RABGAP1L: variants seen among roughly 807,000 people sequenced by gnomAD.
RABGAP1L encodes the protein RAB GTPase activating protein 1 like.
RABGAP1L carries 63 observed loss-of-function variants against 137.7 expected under a neutral mutation model. That is an observed-to-expected ratio of 0.46 (90% CI 0.37 to 0.56). RABGAP1L has a LOEUF of 0.56. Ranked by LOEUF, RABGAP1L falls within the 20% of genes least tolerant of loss-of-function variation. RABGAP1L has a pLI of 0.00. For synonymous variants in RABGAP1L, 431 were observed against 433.7 expected (o/e 0.99, Z 0.08); for missense variants, 1,095 against 1,244.0 (o/e 0.88, Z 1.80).
intron 1 of RABGAP1L, among the ~76,000 whole-genome samples, chr1:174,186,469 A>C (rs946209452): frequency 6.6e-6 from 1 of 152,222 alleles, no homozygotes; most frequent in African/African-American, 2.4e-5. Flanking sequence ...CTTTGATTTA[A>C]AAAGAATGCA....
intron 24 of RABGAP1L, among the ~76,000 whole-genome samples, chr1:174,983,190 T>C (rs184449669): frequency 1.9e-4 from 29 of 152,248 alleles, no homozygotes; most frequent in African/African-American, 6.5e-4. Context: ...GAGAGTGGTA[T>C]GAACCTGAGA....
chr1:174,557,708 G>A (rs1666965201), intron 13 of RABGAP1L, among the ~76,000 whole-genome samples: 1 of 152,208 alleles, frequency 6.6e-6, no homozygotes, highest in Non-Finnish European at 1.5e-5. Flanking sequence ...AGAATTCTAA[G>A]CCTCTGGAGA....
intron 14 of RABGAP1L, among the ~76,000 whole-genome samples, chr1:174,639,323 G>T (rs893661422): frequency 3.3e-5 from 5 of 152,014 alleles, no homozygotes; most frequent in African/African-American, 1.2e-4. Flanking sequence ...TTTAGAAAGT[G>T]ATATATCATC....
chr1:174,390,419 T>C (rs1687127752), intron 12 of RABGAP1L, among the ~76,000 whole-genome samples: 1 of 152,222 alleles, frequency 6.6e-6, no homozygotes, highest in South Asian at 2.1e-4. Context: ...AGTATGTTTA[T>C]GTACGTGTGT....
At chr1:174,604,423 A>G (rs1243724913) in intron 13 of RABGAP1L, among the ~76,000 whole-genome samples, 2 of 152,164 alleles carry the variant, frequency 1.3e-5, no homozygotes, top group Non-Finnish European at 2.9e-5. Flanking sequence ...TAGGGGATAG[A>G]GGTGATGTTG....
intron 11 of RABGAP1L, among the ~76,000 whole-genome samples, chr1:174,337,971 T>C (rs1036507088): frequency 6.6e-6 from 1 of 152,182 alleles, no homozygotes; most frequent in Non-Finnish European, 1.5e-5. Context: ...CTGTGAAACA[T>C]TGCAGTTTGA....
chr1:174,597,225 C>A (rs1191762503), intron 13 of RABGAP1L, among the ~76,000 whole-genome samples: 1 of 151,972 alleles, frequency 6.6e-6, no homozygotes, highest in Non-Finnish European at 1.5e-5. Flanking sequence ...GGTAATACTG[C>A]CCTCATAGAA....
intron 19 of RABGAP1L, among the ~76,000 whole-genome samples, chr1:174,878,925 GTTTTTTTTT>G (rs869251284): frequency 5.1e-4 from 43 of 85,148 alleles, no homozygotes; most frequent in South Asian, 1.1e-3. Flanking sequence ...TTTGTGCATT[GTTTTTTTTT>G]TTTTTTTTTT....
At chr1:174,488,187 C>T (rs542510334) in intron 13 of RABGAP1L, among the ~76,000 whole-genome samples, 14 of 152,186 alleles carry the variant, frequency 9.2e-5, no homozygotes, top group Non-Finnish European at 1.9e-4. Context: ...GATTGAACTA[C>T]TCTCTTTAGC....
At chr1:174,536,484 A>C (rs943768535) in intron 13 of RABGAP1L, among the ~76,000 whole-genome samples, 4 of 152,126 alleles carry the variant, frequency 2.6e-5, no homozygotes, top group Admixed American at 6.6e-5. Context: ...AAATTAAGTA[A>C]AAAGAAAAAT....
chr1:174,171,560 G>A (rs765783014), intron 1 of RABGAP1L, among the ~76,000 whole-genome samples: 8 of 151,862 alleles, frequency 5.3e-5, no homozygotes, highest in South Asian at 2.1e-4. Context: ...TAGACTTCGC[G>A]CTATACATTA....
At chr1:174,800,650 T>C in intron 18 of RABGAP1L, 1 of 1,215,248 alleles carries the variant, frequency 8.2e-7, no homozygotes, top group Non-Finnish European at 1.1e-6. Context: ...GCCACTGTTG[T>C]GCAGCTCATT....
At chr1:174,447,724 T>A (rs960494252) in intron 13 of RABGAP1L, among the ~76,000 whole-genome samples, 2 of 152,216 alleles carry the variant, frequency 1.3e-5, no homozygotes, top group African/African-American at 2.4e-5. Flanking sequence ...ATTCATTTTT[T>A]TTCTTTTTAC....
At chr1:174,222,163 AG>A (rs1669805322) in intron 3 of RABGAP1L, among the ~76,000 whole-genome samples, 1 of 152,058 alleles carries the variant, frequency 6.6e-6, no homozygotes, top group Admixed American at 6.6e-5. Context: ...AAAAGTTCTG[AG>A]TTTTACTCTG....
intron 17 of RABGAP1L, among the ~76,000 whole-genome samples, chr1:174,721,514 G>A (rs1681538687): frequency 6.6e-6 from 1 of 152,202 alleles, no homozygotes; most frequent in Non-Finnish European, 1.5e-5. Flanking sequence ...AAGCCAAGTT[G>A]ACAGAGAACA....
At chr1:174,660,286 C>T (rs910925585) in intron 14 of RABGAP1L, among the ~76,000 whole-genome samples, 5 of 152,136 alleles carry the variant, frequency 3.3e-5, no homozygotes, top group Non-Finnish European at 7.4e-5. Flanking sequence ...AATTCCTAAA[C>T]AAGGTAATAA....
At chr1:174,653,380 C>T (rs558594877) in intron 14 of RABGAP1L, among the ~76,000 whole-genome samples, 5 of 152,246 alleles carry the variant, frequency 3.3e-5, no homozygotes, top group Admixed American at 6.5e-5. Flanking sequence ...GCTCAAATGG[C>T]CACCCAGTTT....
intron 19 of RABGAP1L, among the ~76,000 whole-genome samples, chr1:174,814,618 T>A (rs549663126): frequency 6.6e-6 from 1 of 152,334 alleles, no homozygotes; most frequent in South Asian, 2.1e-4. Flanking sequence ...TATATGTACG[T>A]ACTTACATAC....
rs34143059 is a variant in RABGAP1L, at chr1:174,957,723, C to CTTTT, written c.2433+194_2433+197dup. On this transcript the variant is annotated intron_variant, in intron 20 of 25. Transcript: ENST00000681986. The stretch of plus-strand genomic sequence containing the variant: ...CGAGCCACCATTCCCAGCAAAGTAC[C>CTTTT]TTTTTTTTTTTTTTTTTTTTTTTCT... 468 of 505,150 alleles carry CTTTT rather than the reference C, an allele frequency of 9.3e-4. 3 individuals are homozygous for CTTTT. Among genetic ancestry groups the CTTTT allele is most frequent in the African/African-American group, 1.6e-3 (56 of 35,530 alleles). 31.3% of individuals were successfully genotyped at this position (505,150 alleles called of 1,614,324 possible).
Sources: gnomAD v4.1 joint callset for allele counts (sites outside exome capture counted in the v4.1 genomes callset) on GRCh38, gnomAD v4.1.1 for gene constraint, MANE v1.5 for transcripts, NCBI Gene and HGNC (gene_info 2026-07-23, HGNC 2026-07-21) for gene names.